EIF4E3: variants seen among roughly 807,000 people sequenced by gnomAD.
EIF4E3 encodes eukaryotic translation initiation factor 4E type 3.
EIF4E3 carries 26 observed loss-of-function variants against 31.7 expected under a neutral mutation model. That is an observed-to-expected ratio of 0.82 (90% confidence interval 0.60 to 1.14). The LOEUF (loss-of-function observed/expected upper bound fraction) is 1.14. EIF4E3 is among the 50% of genes most tolerant of loss of function. The probability of loss-of-function intolerance (pLI) is 0.00; values close to 1 mark genes in which losing one functional copy is unlikely to be tolerated. For missense variants in EIF4E3, 304 were observed against 270.9 expected, an observed-to-expected ratio of 1.12 and a Z score of -0.86; for synonymous variants, 128 against 107.7, an observed-to-expected ratio of 1.19 and a Z score of -1.17.
chr3:71,696,643 G>A (rs1373265416), intron 3 of EIF4E3, 123 bp from the exon 4 acceptor site: 1 of 1,092,696 alleles, frequency 9.2e-7, no homozygotes, highest in African/African-American at 1.6e-5. Flanking sequence ...AAATAGTTGG[G>A]CATTTTTCTT....
chr3:71,725,444 C>T (rs1439422130), upstream of EIF4E3: 282 of 851,900 alleles, frequency 3.3e-4, 3 homozygotes, highest in African/African-American at 5.0e-3. This position sits in a 1 kb window ranked among gnomAD's most constrained non-coding sequence, Gnocchi z 6.1. Flanking sequence ...CCGGCCCCCG[C>T]CCCGCCCCGC....
Position 71,748,039 on chromosome 3 carries a change from T to C in EIF4E3, c.-291+5424A>G, listed in dbSNP as rs2049890859. Among the ~76,000 whole-genome samples, 2 of 152,222 alleles carry C rather than the reference T, an allele frequency of 1.3e-5. 1 individual carries two copies. The highest frequency in any genetic ancestry group is 4.1e-4 in the South Asian group (2 of 4,832). ...CTTTCCTTCCCAACATTCAAGTGGA[T>C]AGCAGGCTCTGGGCTTCCTTGACTA... On this transcript the variant is annotated intron_variant, in intron 1 of 7. Coordinates refer to the EIF4E3 transcript ENST00000295612.
At chr3:71,686,811 A>G (rs1463906747) in intron 6 of EIF4E3, among the ~76,000 whole-genome samples, 1 of 152,164 alleles carries the variant, frequency 6.6e-6, no homozygotes, top group Non-Finnish European at 1.5e-5. Flanking sequence ...TGGGTTAAAG[A>G]GACAGTACAA....
chr3:71,753,478 A>C (rs2049956908), exon 1 of EIF4E3: 1 of 151,578 alleles, frequency 6.6e-6, no homozygotes, highest in Non-Finnish European at 1.5e-5. Flanking sequence ...GCCAAACGCG[A>C]CTTGTCGCCA....
At chr3:71,700,900 C>A (rs1022365992) in intron 2 of EIF4E3, among the ~76,000 whole-genome samples, 1 of 152,028 alleles carries the variant, frequency 6.6e-6, no homozygotes, top group African/African-American at 2.4e-5. Context: ...CAGGTGGGGC[C>A]CCTGGGAGGT....
chr3:71,694,475 C>T (rs920393743), intron 4 of EIF4E3, among the ~76,000 whole-genome samples: 4 of 152,108 alleles, frequency 2.6e-5, no homozygotes, highest in Non-Finnish European at 5.9e-5. Flanking sequence ...TTATGGCAGG[C>T]GATAGAACTT....
intron 1 of EIF4E3, among the ~76,000 whole-genome samples, chr3:71,712,644 G>GGGGGGGGGGGGGGGGGC (rs35405190): frequency 1.2e-4 from 15 of 123,988 alleles, no homozygotes; most frequent in Non-Finnish European, 1.5e-4. Context: ...GTGGGCGGGG[G>GGGGGGGGGGGGGGGGGC]AGATTCTAGG....
upstream of EIF4E3, among the ~76,000 whole-genome samples, chr3:71,730,226 T>C (rs1288407240): frequency 6.6e-6 from 1 of 152,108 alleles, no homozygotes; most frequent in African/African-American, 2.4e-5. Context: ...TCAAGAGTGA[T>C]TGCTTCAGAG....
At chr3:71,729,418 A>G (rs991239681), upstream of EIF4E3, among the ~76,000 whole-genome samples, 8 of 152,288 alleles carry the variant, frequency 5.3e-5, no homozygotes, top group South Asian at 2.1e-4. Flanking sequence ...AAGGCAGAAC[A>G]TGGGAGGGAA....
intron 1 of EIF4E3, among the ~76,000 whole-genome samples, chr3:71,737,329 G>A (rs1283098140): frequency 6.6e-6 from 1 of 152,238 alleles, no homozygotes; most frequent in Non-Finnish European, 1.5e-5. Context: ...ACAGAGCACT[G>A]TGGCAGAAGG....
chr3:71,752,591 G>C (rs1322028109), intron 1 of EIF4E3, among the ~76,000 whole-genome samples: 1 of 152,196 alleles, frequency 6.6e-6, no homozygotes, highest in Admixed American at 6.5e-5. Flanking sequence ...ACAATGCGTT[G>C]CTTAATTCTG....
intron 5 of EIF4E3, among the ~76,000 whole-genome samples, chr3:71,692,202 G>A (rs183773446): frequency 6.6e-6 from 1 of 152,164 alleles, no homozygotes; most frequent in Non-Finnish European, 1.5e-5. Flanking sequence ...TTATTTTAGG[G>A]TACTGGCAGC....
At chr3:71,692,077 T>C (rs1261514737) in intron 5 of EIF4E3, among the ~76,000 whole-genome samples, 1 of 152,208 alleles carries the variant, frequency 6.6e-6, no homozygotes, top group Non-Finnish European at 1.5e-5. Flanking sequence ...GCACAGTTAC[T>C]AGCACAGCAC....
chr3:71,728,904 A>G (rs1022695715), upstream of EIF4E3, among the ~76,000 whole-genome samples: 11 of 152,256 alleles, frequency 7.2e-5, no homozygotes, highest in African/African-American at 2.7e-4. Context: ...AACCTGCCCA[A>G]GGTCACACAG....
chr3:71,681,704 G>C lies in EIF4E3; in HGVS notation c.*2978C>G, dbSNP rs1033683412. The C allele has an allele frequency of 6.6e-6, 1 of 152,180 alleles. No homozygotes were observed. Among genetic ancestry groups the C allele is most frequent in the African/African-American group, 2.4e-5 (1 of 41,444 alleles). 9.4% of individuals were successfully genotyped at this position (152,180 alleles called of 1,614,324 possible). ...CTGGCTAGCCCTACGTCTTTAACAA[G>C]GGACAAGTTCGGCCAAGGCTCAGTT... On this transcript the variant is annotated 3_prime_UTR_variant, in exon 7 of 7. Transcript: ENST00000425534.
intron 4 of EIF4E3, 130 bp from the exon 5 acceptor site, chr3:71,694,071 C>A: frequency 1.3e-6 from 1 of 787,120 alleles, no homozygotes; most frequent in Non-Finnish European, 1.9e-6. Context: ...ACTTGGAGTC[C>A]ACAGACACCT....
chr3:71,698,911 A>AT (rs896055219), intron 3 of EIF4E3, among the ~76,000 whole-genome samples: 2 of 151,962 alleles, frequency 1.3e-5, no homozygotes, highest in Non-Finnish European at 1.5e-5. Context: ...AACATACTCA[A>AT]TTTTTTTGCT....
intron 2 of EIF4E3, among the ~76,000 whole-genome samples, chr3:71,708,964 G>T (rs2049335199): frequency 6.6e-6 from 1 of 152,142 alleles, no homozygotes; most frequent in South Asian, 2.1e-4. Context: ...CCACAGTCAG[G>T]ACTGTGTCTT....
At chr3:71,663,018 C>T in the EIF4E3 span, among the ~76,000 whole-genome samples, 4 of 152,082 alleles carry the variant, frequency 2.6e-5, no homozygotes, top group African/African-American at 9.7e-5. Flanking sequence ...AGCAAGGAAG[C>T]GTTTCTTGGG....
Sources: allele counts gnomAD v4.1 joint callset (sites outside exome capture counted in the v4.1 genomes callset), GRCh38; gene constraint gnomAD v4.1.1; non-coding constraint Gnocchi (gnomAD v3.1); transcripts MANE v1.5; gene names NCBI Gene and HGNC (gene_info 2026-07-23, HGNC 2026-07-21).